The following MIER1 variants were observed in gnomAD, a reference collection of about 807,000 sequenced individuals.
MIER1 encodes MIER1 transcriptional regulator, also known as mesoderm induction early response protein 1.
A neutral mutation model predicts 75.7 loss-of-function variants in MIER1; 40 were observed. The observed-to-expected ratio is 0.53, with a 90% CI of 0.41 to 0.69. The LOEUF (loss-of-function observed/expected upper bound fraction) is 0.69, where lower values mean the gene tolerates loss of function less well. Ranked by LOEUF, MIER1 falls within the 30% of genes least tolerant of loss-of-function variation. The probability of loss-of-function intolerance (pLI) is 0.00; values close to 1 mark genes in which losing one functional copy is unlikely to be tolerated. For missense variants in MIER1, 574 were observed against 680.2 expected (o/e 0.84, Z 1.74); for synonymous variants, 213 against 223.4 (o/e 0.95, Z 0.42).
At position 66,953,184 on chromosome 1, in the gene MIER1, G is replaced by A. The variant is rs183792063; in HGVS notation, c.340-4875G>A. Among the ~76,000 whole-genome samples the A allele has an allele frequency of 1.9e-3, 286 of 152,290 alleles. 4 individuals are homozygous for A. Among genetic ancestry groups the A allele is most frequent in the Admixed American group, 0.014 (221 of 15,296 alleles). On this transcript the variant is annotated intron_variant, in intron 4 of 13. Coordinates refer to ENST00000401041, the MANE Select transcript of MIER1 (RefSeq NM_001077700.3). ...GAACTTTCAAGAAAAATAAGTGCTT[G>A]GAATGGAAGAAAGAACATTTCATGT...
Position 66,976,659 on chromosome 1 carries a change from A to C in MIER1, c.1166A>C (p.Tyr389Ser). ...FYYMWKKSER[Y>S]DFFAQQTRFG... ...TACATGTGGAAAAAATCTGAACGTT[A>C]TGATTTCTTTGCTCAGCAAACACGA... Residue 389 changes from tyrosine (Y) to serine (S), a missense_variant, in exon 12 of 14, where the codon TAT (tyrosine) becomes TCT (serine). Tyr to Ser is a moderately radical substitution (Grantham distance 144, BLOSUM62 -2). Coordinates refer to ENST00000401041, the MANE Select transcript of MIER1 (RefSeq NM_001077700.3). 6.2e-7 allele frequency: 1 copy of C among 1,608,330 alleles called. No individual in the cohort carries two copies. The highest frequency in any genetic ancestry group is 8.5e-7 in the Non-Finnish European group (1 of 1,177,442).
intron 11 of MIER1, among the ~76,000 whole-genome samples, chr1:66,973,520 TTTTA>T (rs1265693895): frequency 2.0e-5 from 3 of 152,088 alleles, no homozygotes; most frequent in African/African-American, 7.2e-5. Flanking sequence ...AATTTGAGGA[TTTTA>T]TTTAACATAA....
At chr1:66,973,938 C>T (rs995327695) in intron 11 of MIER1, among the ~76,000 whole-genome samples, 1 of 152,000 alleles carries the variant, frequency 6.6e-6, no homozygotes, top group African/African-American at 2.4e-5. Flanking sequence ...AGTCTTCTGC[C>T]ACAGCTCTCT....
chr1:66,982,963 A>T (rs920553729), intron 13 of MIER1, among the ~76,000 whole-genome samples: 1 of 152,258 alleles, frequency 6.6e-6, no homozygotes, highest in Non-Finnish European at 1.5e-5. Context: ...GGCTCAAGGG[A>T]GGCAGACAGT....
intron 13 of MIER1, among the ~76,000 whole-genome samples, chr1:66,983,796 C>T (rs928637669): frequency 6.6e-6 from 1 of 152,152 alleles, no homozygotes; most frequent in African/African-American, 2.4e-5. Context: ...GGCACAATCT[C>T]GGCTCACTGC....
chr1:66,974,952 C>T (rs1482056866), intron 11 of MIER1, among the ~76,000 whole-genome samples: 2 of 151,954 alleles, frequency 1.3e-5, no homozygotes, highest in East Asian at 1.9e-4. Flanking sequence ...TGACTTAGTT[C>T]GAATCTATCT....
At chr1:66,948,803 G>A (rs1658252863) in intron 4 of MIER1, among the ~76,000 whole-genome samples, 1 of 152,192 alleles carries the variant, frequency 6.6e-6, no homozygotes, top group African/African-American at 2.4e-5. Flanking sequence ...TGAGGCTCAG[G>A]TGGGAGGATT....
At chr1:66,981,658 C>A in intron 12 of MIER1, 121 bp from the exon 13 acceptor site, 1 of 720,094 alleles carries the variant, frequency 1.4e-6, no homozygotes, top group Non-Finnish European at 2.2e-6. Context: ...AGATGAAGCA[C>A]TGGAATGAAT....
At chr1:66,955,352 T>TG (rs1659905472) in intron 4 of MIER1, among the ~76,000 whole-genome samples, 1 of 143,258 alleles carries the variant, frequency 7.0e-6, no homozygotes, top group East Asian at 2.0e-4. Context: ...TTTTTTTTTT[T>TG]TTTTTTTTTT....
chr1:66,945,324 C>T (rs1489360626), intron 3 of MIER1, among the ~76,000 whole-genome samples: 1 of 127,058 alleles, frequency 7.9e-6, no homozygotes, highest in African/African-American at 2.8e-5. Context: ...TATAAAATAC[C>T]TAATATAGGT....
rs1028068020 is a variant in MIER1, at chr1:66,947,072, C to G, written c.339+777C>G. ...CAGTTGCATCAGAATCAACCCTGTA[C>G]TTATTTTAAAAAGCAGATTTTTTGG... is the stretch of plus-strand genomic sequence containing the variant. On this transcript the variant is annotated intron_variant, in intron 4 of 13. Transcript: ENST00000401041. 4 of 932,602 alleles carry G rather than the reference C, an allele frequency of 4.3e-6. No homozygotes were observed. The African/African-American group carries it at 7.1e-5, about 17-fold the overall frequency. 57.8% of individuals were successfully genotyped at this position (932,602 alleles called of 1,614,324 possible).
chr1:66,965,975 T>C (rs1662302260), intron 8 of MIER1, among the ~76,000 whole-genome samples: 1 of 152,208 alleles, frequency 6.6e-6, no homozygotes, highest in Non-Finnish European at 1.5e-5. Flanking sequence ...TCCATGTTAT[T>C]GCAAATGACT....
chr1:66,976,992 G>A (rs188057417), intron 12 of MIER1, among the ~76,000 whole-genome samples: 70 of 152,258 alleles, frequency 4.6e-4, no homozygotes, highest in African/African-American at 1.6e-3. Flanking sequence ...TATCATTAAA[G>A]CAAGATTTAG....
intron 11 of MIER1, 88 bp downstream of exon 11, chr1:66,973,079 T>TTA: frequency 1.5e-6 from 1 of 687,826 alleles, no homozygotes; most frequent in South Asian, 1.8e-5. Flanking sequence ...TATTGTCTAG[T>TTA]GTTAAAGGTT....
At chr1:66,944,210 C>G (rs538241010) in intron 3 of MIER1, among the ~76,000 whole-genome samples, 1 of 151,976 alleles carries the variant, frequency 6.6e-6, no homozygotes, top group Non-Finnish European at 1.5e-5. Flanking sequence ...GAAGTCAGCT[C>G]TATCTCTTTG....
rs372213093 is a variant in MIER1 at position 66,975,164 on chromosome 1, A to G, written c.1102-1431A>G. Among the ~76,000 whole-genome samples the G allele has an allele frequency of 2.8e-3, 423 of 152,342 alleles. 24 individuals are homozygous for G. In the South Asian group the frequency reaches 0.084, roughly 30 times the overall value. Reference sequence around the variant, plus strand: ...TCAGTGCTACAGAATATTTACTTCAAGAGCAGAAATTTATGGGATAAAGAA... The same window carrying G: ...TCAGTGCTACAGAATATTTACTTCAGGAGCAGAAATTTATGGGATAAAGAA... On this transcript the variant is annotated intron_variant, in intron 11 of 13. Transcript: ENST00000401041.
At chr1:66,954,962 G>A (rs1336595929) in intron 4 of MIER1, among the ~76,000 whole-genome samples, 1 of 152,158 alleles carries the variant, frequency 6.6e-6, no homozygotes, top group East Asian at 1.9e-4. Flanking sequence ...GCCAGCCTCA[G>A]CCTCCCAAAG....
intron 5 of MIER1, among the ~76,000 whole-genome samples, chr1:66,958,457 A>G (rs1035197399): frequency 9.9e-6 from 1 of 100,562 alleles, no homozygotes; most frequent in Non-Finnish European, 1.9e-5. Context: ...TATTCTAATT[A>G]ATTTATACCA....
In MIER1 at chr1:66,950,704, A is replaced by C. The variant is rs1408642035; in HGVS notation, c.339+4409A>C. On this transcript the variant is annotated intron_variant, in intron 4 of 13. Coordinates refer to ENST00000401041, the MANE Select transcript of MIER1 (RefSeq NM_001077700.3). ...GAGATTGCAGTATTTTGACGTATAC[A>C]CACAAATTAATTATATAGATAGAAA... 6.7e-5 allele frequency among the ~76,000 whole-genome samples: 3 copies of C among 44,572 alleles called. No individual in the cohort carries two copies. The East Asian group carries it at 2.6e-3, about 38-fold the overall frequency. The allele number at this position is 44,572 out of a possible 152,430, so 29.2% of individuals were successfully genotyped here.
Sources: gnomAD v4.1 joint callset for allele counts (sites outside exome capture counted in the v4.1 genomes callset) on GRCh38, gnomAD v4.1.1 for gene constraint, MANE v1.5 for transcripts, NCBI Gene and HGNC (gene_info 2026-07-23, HGNC 2026-07-21) for gene names.